Variants in RGSL1 observed in about 807,000 individuals in gnomAD.
RGSL1 encodes the protein regulator of G protein signaling like 1.
RGSL1 carries 97 observed loss-of-function variants against 124.7 expected under a neutral mutation model. That is an observed-to-expected ratio of 0.78 (90% CI 0.66 to 0.92). The LOEUF is 0.92. Ranked by LOEUF, RGSL1 falls within the 40% of genes least tolerant of loss-of-function variation. The pLI, the probability that RGSL1 is intolerant of heterozygous loss-of-function variation, is 0.00. For missense variants in RGSL1, 1,233 were observed against 1,288.4 expected, an observed-to-expected ratio of 0.96 and a Z score of 0.66; for synonymous variants, 424 against 438.1, an observed-to-expected ratio of 0.97 and a Z score of 0.40.
chr1:182,503,053 G>T (rs1159115613), intron 9 of RGSL1, among the ~76,000 whole-genome samples: 1 of 152,276 alleles, frequency 6.6e-6, no homozygotes, highest in Admixed American at 6.5e-5. Flanking sequence ...GCACACTGTT[G>T]GTGGGAATGT....
intron 6 of RGSL1, among the ~76,000 whole-genome samples, chr1:182,476,127 C>A (rs1654272015): frequency 1.3e-5 from 2 of 152,126 alleles, no homozygotes; most frequent in African/African-American, 4.8e-5. Flanking sequence ...GAGGTAATTT[C>A]AGAATAGATC....
intron 9 of RGSL1, among the ~76,000 whole-genome samples, chr1:182,519,549 T>C (rs914293913): frequency 6.6e-6 from 1 of 152,112 alleles, no homozygotes; most frequent in Non-Finnish European, 1.5e-5. Context: ...TTGTGTAACT[T>C]TACTATAATA....
chr1:182,515,553 A>AAGG lies in RGSL1; in HGVS notation c.1826-6451_1826-6450insAGG, dbSNP rs546420833. Among the ~76,000 whole-genome samples, 154 of 109,012 alleles carry AAGG rather than the reference A, an allele frequency of 1.4e-3. 1 individual carries two copies. Among genetic ancestry groups the AAGG allele is most frequent in the South Asian group, 5.7e-3 (18 of 3,160 alleles). 71.5% of individuals were successfully genotyped at this position (109,012 alleles called of 152,430 possible). ...AACAGTTTAAAGTAAAAAAAAAAAA[A>AAGG]GGGGGGGGCGGGGTGGAGGGCGTGG... On this transcript the variant is annotated intron_variant, in intron 9 of 21. Transcript: ENST00000294854.
intron 9 of RGSL1, among the ~76,000 whole-genome samples, chr1:182,493,836 G>T (rs1655711521): frequency 6.6e-6 from 1 of 152,114 alleles, no homozygotes; most frequent in East Asian, 1.9e-4. Context: ...GAGGTTCTGG[G>T]TAGTACCCAG....
At chr1:182,507,648 G>A (rs2102174466) in intron 9 of RGSL1, among the ~76,000 whole-genome samples, 1 of 151,672 alleles carries the variant, frequency 6.6e-6, no homozygotes, top group South Asian at 2.1e-4. Flanking sequence ...TACTTAGGTT[G>A]ATCTCATATC....
intron 9 of RGSL1, among the ~76,000 whole-genome samples, chr1:182,514,391 C>G (rs946645322): frequency 3.3e-5 from 5 of 152,110 alleles, no homozygotes; most frequent in Non-Finnish European, 5.9e-5. Flanking sequence ...AAAGTTCGCC[C>G]CCTTCCCTGA....
At chr1:182,467,244 TTCACAGAATTGG>T (rs1190384571) in intron 4 of RGSL1, among the ~76,000 whole-genome samples, 1 of 152,152 alleles carries the variant, frequency 6.6e-6, no homozygotes, top group Non-Finnish European at 1.5e-5. Context: ...AATGACTTTC[TTCACAGAATTGG>T]AAAAAAACTG....
upstream of RGSL1, chr1:182,450,142 C>T (rs1281551525): frequency 1.3e-6 from 2 of 1,551,746 alleles, no homozygotes; most frequent in Non-Finnish European, 1.7e-6. Context: ...TAACAAATTA[C>T]TGTGTCAGGA....
At chr1:182,511,115 G>A (rs1657417914) in intron 9 of RGSL1, among the ~76,000 whole-genome samples, 1 of 152,106 alleles carries the variant, frequency 6.6e-6, no homozygotes, top group South Asian at 2.1e-4. Context: ...TTTTGTATAT[G>A]ATGAGAGATA....
At chr1:182,530,110 C>T (rs777130285) in intron 11 of RGSL1, 134 bp from the exon 12 acceptor site, 8 of 615,710 alleles carry the variant, frequency 1.3e-5, no homozygotes, top group Admixed American at 6.1e-5. Context: ...CAAACTATGG[C>T]GGGATCAGAG....
chr1:182,548,798 C>T lies in RGSL1; in HGVS notation c.2907C>T (p.Phe969=), dbSNP rs1321267197. 1.3e-6 allele frequency: 2 copies of T among 1,551,618 alleles called. No homozygotes were observed. Among genetic ancestry groups the T allele is most frequent in the Non-Finnish European group, 1.7e-6 (2 of 1,146,968 alleles). ...TCCATGGGGCTATCATGTCTGTCTT[C>T]CCCGTTGTTATGTACTTCTGGAAAA... is the stretch of plus-strand genomic sequence containing the variant. ...SVFHGAIMSV[F]PVVMYFWKRF... Residue 969 remains phenylalanine (F), a synonymous_variant, in exon 17 of 22, where the codon TTC becomes TTT. Coordinates refer to ENST00000294854, the MANE Select transcript of RGSL1 (RefSeq NM_001137669.2).
At chr1:182,475,760 G>A (rs1174205649) in intron 6 of RGSL1, among the ~76,000 whole-genome samples, 3 of 152,148 alleles carry the variant, frequency 2.0e-5, no homozygotes, top group African/African-American at 7.2e-5. Flanking sequence ...GATTGATGTG[G>A]CGCATACAGG....
Position 182,472,408 on chromosome 1 carries a change from T to C in RGSL1, c.314T>C (p.Val105Ala). The change falls in exon 5 of 22, where the codon GTG becomes GCG. Residue 105 changes from valine (V) to alanine (A), a missense_variant. Physicochemically the swap from Val to Ala is moderately conservative, Grantham distance 64 (BLOSUM62 0). Coordinates refer to ENST00000294854, the MANE Select transcript of RGSL1 (RefSeq NM_001137669.2). ...IKSPEGGEEL[V>A]DFWILAENIL... ...GTCTCACCCGTAGGTGAAGAATTGG[T>C]GGATTTCTGGATCCTTGCTGAGAAC... is the stretch of plus-strand genomic sequence containing the variant. 1 of 1,549,454 alleles carries C rather than the reference T, an allele frequency of 6.5e-7. No homozygotes were observed. Among genetic ancestry groups the C allele is most frequent in the Non-Finnish European group, 8.7e-7 (1 of 1,145,508 alleles).
chr1:182,512,286 C>T (rs1159812672), intron 9 of RGSL1, among the ~76,000 whole-genome samples: 1 of 152,158 alleles, frequency 6.6e-6, no homozygotes, highest in Admixed American at 6.5e-5. Flanking sequence ...TTTTTACCAT[C>T]TTTGATATGT....
chr1:182,502,824 A>G (rs1236923340), intron 9 of RGSL1, among the ~76,000 whole-genome samples: 1 of 151,770 alleles, frequency 6.6e-6, no homozygotes, highest in Non-Finnish European at 1.5e-5. Flanking sequence ...TTTCTTTTTG[A>G]GCAGTGTTTT....
At chr1:182,458,502 T>G in intron 3 of RGSL1, 109 bp downstream of exon 3, 1 of 905,452 alleles carries the variant, frequency 1.1e-6, no homozygotes, top group East Asian at 2.7e-5. Context: ...TGGGGTCTCA[T>G]TCTGTCACCC....
intron 9 of RGSL1, among the ~76,000 whole-genome samples, chr1:182,519,817 T>A (rs975099843): frequency 6.6e-5 from 10 of 152,172 alleles, no homozygotes; most frequent in Admixed American, 2.0e-4. Flanking sequence ...AACAATTTTC[T>A]CTTTAGTTGT....
intron 6 of RGSL1, among the ~76,000 whole-genome samples, chr1:182,486,535 C>T (rs556553202): frequency 1.3e-5 from 2 of 151,596 alleles, no homozygotes; most frequent in South Asian, 4.2e-4. Context: ...TTTGGTAGAG[C>T]TGGGGTTTCA....
At chr1:182,555,681 G>T (rs1660823737) in intron 20 of RGSL1, 1 of 280,964 alleles carries the variant, frequency 3.6e-6, no homozygotes, top group African/African-American at 2.2e-5. Context: ...GACAGGCTTG[G>T]TGTCCTTGCC....
Sources: allele counts gnomAD v4.1 joint callset (sites outside exome capture counted in the v4.1 genomes callset), GRCh38; gene constraint gnomAD v4.1.1; transcripts MANE v1.5; gene names NCBI Gene and HGNC (gene_info 2026-07-23, HGNC 2026-07-21).